The following PRKCH variants were observed in gnomAD, a reference collection of about 807,000 sequenced individuals.
The protein encoded by PRKCH is protein kinase C eta, also known as protein kinase C eta type.
Under a neutral mutation model 82.5 loss-of-function variants are expected in PRKCH, and 28 were observed. That is an observed-to-expected ratio of 0.34 (90% CI 0.25 to 0.47). PRKCH has a LOEUF of 0.47. Ranked by LOEUF, PRKCH falls within the 20% of genes least tolerant of loss-of-function variation. The pLI, the probability that PRKCH is intolerant of heterozygous loss-of-function variation, is 1.00. For synonymous variants in PRKCH, 322 were observed against 327.4 expected (o/e 0.98, Z 0.18); for missense variants, 705 against 881.8 (o/e 0.80, Z 2.54).
intron 2 of PRKCH, among the ~76,000 whole-genome samples, chr14:61,439,014 C>G (rs149699192): frequency 2.0e-5 from 3 of 152,150 alleles, no homozygotes; most frequent in Non-Finnish European, 2.9e-5. Context: ...ACAGAGCCAG[C>G]TTCCTATTTA....
At chr14:61,433,159 A>C (rs1373608530) in intron 2 of PRKCH, among the ~76,000 whole-genome samples, 2 of 152,164 alleles carry the variant, frequency 1.3e-5, no homozygotes, top group African/African-American at 4.8e-5. Context: ...GTCTGTTTAC[A>C]GTGAGCAACA....
At chr14:61,338,721 T>A (rs893260647) in intron 1 of PRKCH, among the ~76,000 whole-genome samples, 24 of 152,288 alleles carry the variant, frequency 1.6e-4, no homozygotes, top group South Asian at 6.2e-4. Context: ...AAACTCATTT[T>A]CCTTAAACTG....
chr14:61,233,378 G>A (rs1316759391), intron 1 of PRKCH, among the ~76,000 whole-genome samples: 1 of 143,928 alleles, frequency 6.9e-6, no homozygotes, highest in Admixed American at 7.3e-5. Flanking sequence ...GTGATAGAGA[G>A]AGACCTTGTC....
chr14:61,316,262 T>C (rs931805029), intron 1 of PRKCH, among the ~76,000 whole-genome samples: 25 of 152,206 alleles, frequency 1.6e-4, no homozygotes, highest in African/African-American at 6.0e-4. Flanking sequence ...GGGTCACATT[T>C]GACCTGGCTG....
chr14:61,341,915 C>T (rs772323597), intron 1 of PRKCH, among the ~76,000 whole-genome samples: 20 of 152,060 alleles, frequency 1.3e-4, no homozygotes, highest in Admixed American at 2.0e-4. Context: ...TCTTGGTTCC[C>T]GTTGTATTGC....
chr14:61,230,863 A>T (rs1191361262), intron 1 of PRKCH, among the ~76,000 whole-genome samples: 1 of 152,202 alleles, frequency 6.6e-6, no homozygotes, highest in Non-Finnish European at 1.5e-5. Context: ...ATAGTCACAA[A>T]GGTGTGAATT....
chr14:61,397,479 A>G (rs957251333), intron 2 of PRKCH, among the ~76,000 whole-genome samples: 2 of 152,240 alleles, frequency 1.3e-5, no homozygotes, highest in South Asian at 2.1e-4. Context: ...GCCCATTGAG[A>G]AGATTTAGCA....
At chr14:61,202,227 T>C (rs1469387793) in intron 1 of PRKCH, among the ~76,000 whole-genome samples, 2 of 152,112 alleles carry the variant, frequency 1.3e-5, no homozygotes, top group East Asian at 3.8e-4. Flanking sequence ...CGCCCACCCA[T>C]CCCAAGGTTC....
At chr14:61,217,407 G>C (rs146754486) in intron 1 of PRKCH, among the ~76,000 whole-genome samples, 1 of 152,136 alleles carries the variant, frequency 6.6e-6, no homozygotes, top group Non-Finnish European at 1.5e-5. Flanking sequence ...GCAAGACCCT[G>C]TCTCAAAAAC....
intron 1 of PRKCH, among the ~76,000 whole-genome samples, chr14:61,323,021 C>G (rs941840671): frequency 1.3e-5 from 2 of 152,124 alleles, no homozygotes; most frequent in African/African-American, 4.8e-5. Context: ...TGCACGTTGG[C>G]AGTTTTATTA....
At chr14:61,229,846 CACATGTGCA>C (rs770292540) in intron 1 of PRKCH, among the ~76,000 whole-genome samples, 2 of 152,136 alleles carry the variant, frequency 1.3e-5, no homozygotes, top group Non-Finnish European at 2.9e-5. Flanking sequence ...CAGGTTAACA[CACATGTGCA>C]CAGAAGCCAG....
intron 9 of PRKCH, among the ~76,000 whole-genome samples, chr14:61,461,505 A>G (rs1048395159): frequency 3.3e-5 from 5 of 152,134 alleles, no homozygotes; most frequent in Non-Finnish European, 7.4e-5. Flanking sequence ...CAAACATCAC[A>G]TGGTTTCCTA....
rs1886791650 is a variant in PRKCH, at chr14:61,499,178, CTG to C, written c.1433+13525_1433+13526del. ...CTGGCAGGAAAAAAAGCTGAGTACA[CTG>C]TGGTTTTAGAGTGTACCTTTTGATA... On this transcript the variant is annotated intron_variant, in intron 10 of 13. Transcript: ENST00000332981. Among the ~76,000 whole-genome samples, 4 of 152,300 alleles carry C rather than the reference CTG, an allele frequency of 2.6e-5. No homozygotes were observed. The South Asian group carries it at 8.3e-4, about 32-fold the overall frequency.
chr14:61,350,868 C>T (rs1749844169), intron 1 of PRKCH, among the ~76,000 whole-genome samples: 1 of 152,116 alleles, frequency 6.6e-6, no homozygotes, highest in South Asian at 2.1e-4. Context: ...CTTTAATATC[C>T]ATGGTTGGCA....
At chr14:61,395,125 T>C (rs1396963507) in intron 2 of PRKCH, among the ~76,000 whole-genome samples, 1 of 152,162 alleles carries the variant, frequency 6.6e-6, no homozygotes, top group Non-Finnish European at 1.5e-5. Flanking sequence ...AGGAACCCCA[T>C]ATCTGTTCTC....
intron 1 of PRKCH, among the ~76,000 whole-genome samples, chr14:61,358,742 C>A (rs72728024): frequency 1.3e-5 from 2 of 152,122 alleles, no homozygotes; most frequent in South Asian, 2.1e-4. Flanking sequence ...GCATTCTAGC[C>A]TCCCTTTTAC....
intron 1 of PRKCH, among the ~76,000 whole-genome samples, chr14:61,388,697 A>G (rs2140197316): frequency 6.6e-6 from 1 of 152,326 alleles, no homozygotes; most frequent in East Asian, 1.9e-4. Flanking sequence ...AGTGGAGACA[A>G]TTAGAGGCTG....
At chr14:61,282,220 T>G (rs1054028345) in intron 1 of PRKCH, among the ~76,000 whole-genome samples, 2 of 151,746 alleles carry the variant, frequency 1.3e-5, no homozygotes, top group African/African-American at 4.8e-5. Context: ...TTTATAGGAT[T>G]TATTATAAAA....
chr14:61,272,182 T>C (rs1239984120), intron 1 of PRKCH, among the ~76,000 whole-genome samples: 7 of 151,708 alleles, frequency 4.6e-5, no homozygotes, highest in South Asian at 2.1e-4. Context: ...GAGCTGAGAT[T>C]GCGCCACTGC....
Sources: gnomAD v4.1 joint callset for allele counts (sites outside exome capture counted in the v4.1 genomes callset) on GRCh38, gnomAD v4.1.1 for gene constraint, MANE v1.5 for transcripts, NCBI Gene and HGNC (gene_info 2026-07-23, HGNC 2026-07-21) for gene names.